Variants in CACNA1A observed in about 807,000 individuals in gnomAD.
The protein encoded by CACNA1A is calcium voltage-gated channel subunit alpha1 A.
CACNA1A carries 57 observed loss-of-function variants against 262.4 expected under a neutral mutation model. That is an observed-to-expected ratio of 0.22 (90% CI 0.18 to 0.27). CACNA1A has a LOEUF of 0.27. CACNA1A is among the 10% of genes least tolerant of loss of function. The pLI is 1.00. For missense variants in CACNA1A, 2,526 were observed against 3,562.8 expected, an observed-to-expected ratio of 0.71 and a Z score of 7.41; for synonymous variants, 1,431 against 1,419.3, an observed-to-expected ratio of 1.01 and a Z score of -0.18.
intron 35 of CACNA1A, 81 bp downstream of exon 35, chr19:13,231,627 CCA>C: frequency 2.1e-6 from 3 of 1,410,504 alleles, no homozygotes; most frequent in Non-Finnish European, 2.9e-6. Flanking sequence ...TTCGACACAG[CCA>C]CATTCCACAG....
chr19:13,321,805 G>A (rs529748313), intron 10 of CACNA1A, among the ~76,000 whole-genome samples: 1 of 152,226 alleles, frequency 6.6e-6, no homozygotes, highest in South Asian at 2.1e-4. Context: ...GTTGAGTGGT[G>A]AGTGAATGTG....
At chr19:13,317,070 G>A in intron 11 of CACNA1A, 42 bp downstream of exon 11, 1 of 1,295,634 alleles carries the variant, frequency 7.7e-7, no homozygotes, top group Admixed American at 1.8e-5. Context: ...GTGTGAGGGA[G>A]GGATCAGGGA....
chr19:13,309,498 G>T (rs1257343928), intron 12 of CACNA1A, among the ~76,000 whole-genome samples: 1 of 150,532 alleles, frequency 6.6e-6, no homozygotes, highest in Non-Finnish European at 1.5e-5. Flanking sequence ...TTCAAGACCA[G>T]CCTGGGTAAC....
chr19:13,392,799 T>C (rs917405732), intron 3 of CACNA1A, among the ~76,000 whole-genome samples: 4 of 152,076 alleles, frequency 2.6e-5, no homozygotes, highest in African/African-American at 9.7e-5. Flanking sequence ...CAGGCTGGAG[T>C]ACAGTAGTGC....
rs1298654313 is a variant in CACNA1A at position 13,308,281 on chromosome 19, G to A, written c.1782-30C>T. 6.2e-7 allele frequency: 1 copy of A among 1,600,398 alleles called. No homozygotes were observed. ...CGACAGAGGCCAGGCGAGGACTCAG[G>A]CCAGGCGGGGGAGGCAGGGCCCCGG... is the stretch of plus-strand genomic sequence containing the variant. On this transcript the variant is annotated intron_variant, in intron 13 of 46. Transcript: ENST00000360228. This position sits in a 1 kb window ranked among gnomAD's most constrained non-coding sequence, Gnocchi z 4.2.
At chr19:13,419,228 A>G (rs73507065) in intron 3 of CACNA1A, among the ~76,000 whole-genome samples, 5,662 of 152,328 alleles carry the variant, frequency 0.037, 230 homozygotes, top group East Asian at 0.17. Context: ...ACAGTATTCA[A>G]GACAGTAACC....
chr19:13,255,548 A>C (rs1438121892), intron 28 of CACNA1A, among the ~76,000 whole-genome samples: 1 of 152,056 alleles, frequency 6.6e-6, no homozygotes, highest in African/African-American at 2.4e-5. Flanking sequence ...CAATGGCCTC[A>C]CTTTGCAGAT....
At chr19:13,329,161 G>A (rs1409287098) in intron 10 of CACNA1A, among the ~76,000 whole-genome samples, 1 of 152,094 alleles carries the variant, frequency 6.6e-6, no homozygotes, top group Non-Finnish European at 1.5e-5. Context: ...TAGGACAGAG[G>A]AGTGAGAAGG....
chr19:13,409,293 C>T (rs1412974838), intron 3 of CACNA1A, among the ~76,000 whole-genome samples: 1 of 151,624 alleles, frequency 6.6e-6, no homozygotes, highest in Non-Finnish European at 1.5e-5. Flanking sequence ...AAGATGAGGT[C>T]ATGGTAGGAG....
chr19:13,353,343 G>T (rs1568563875), intron 6 of CACNA1A, among the ~76,000 whole-genome samples: 2 of 150,546 alleles, frequency 1.3e-5, no homozygotes, highest in Non-Finnish European at 2.9e-5. Flanking sequence ...TGTTGCCCAG[G>T]CTGGCCTCAA....
chr19:13,252,414 G>C (rs1263777327), intron 30 of CACNA1A: 1 of 148,596 alleles, frequency 6.7e-6, no homozygotes, highest in Non-Finnish European at 1.5e-5. Flanking sequence ...TTTTGAGACA[G>C]AGTTTCACTC....
chr19:13,499,907 C>T (rs1982165300), intron 1 of CACNA1A, among the ~76,000 whole-genome samples: 3 of 151,788 alleles, frequency 2.0e-5, no homozygotes, highest in East Asian at 1.9e-4. Flanking sequence ...ACCTTCCCGG[C>T]GGTGCTTTTT....
chr19:13,352,262 C>A (rs1189945174), intron 6 of CACNA1A, among the ~76,000 whole-genome samples: 1 of 152,042 alleles, frequency 6.6e-6, no homozygotes, highest in Non-Finnish European at 1.5e-5. Context: ...AAAAAATTAG[C>A]TGACCATGCT....
At chr19:13,369,917 G>A (rs1185726171) in intron 4 of CACNA1A, among the ~76,000 whole-genome samples, 2 of 152,184 alleles carry the variant, frequency 1.3e-5, no homozygotes, top group South Asian at 4.1e-4. Context: ...GATCCTGCTG[G>A]TGATCCTCTG....
At chr19:13,469,080 G>T (rs1291062666) in intron 1 of CACNA1A, among the ~76,000 whole-genome samples, 1 of 152,086 alleles carries the variant, frequency 6.6e-6, no homozygotes, top group Non-Finnish European at 1.5e-5. Context: ...AGCCAAGAAG[G>T]CCCCCAAGAA....
chr19:13,396,180 G>C (rs1235558953), intron 3 of CACNA1A, among the ~76,000 whole-genome samples: 1 of 152,196 alleles, frequency 6.6e-6, no homozygotes, highest in Non-Finnish European at 1.5e-5. Context: ...CAAAACCAAG[G>C]TTCCGGAAGG....
chr19:13,432,527 G>A (rs2060528238), intron 3 of CACNA1A, among the ~76,000 whole-genome samples: 1 of 152,068 alleles, frequency 6.6e-6, no homozygotes, highest in Admixed American at 6.6e-5. Context: ...GGCTGGTGGT[G>A]GAGGGATTGG....
chr19:13,298,994 C>A lies in CACNA1A; in HGVS notation c.2639G>T (p.Arg880Leu), dbSNP rs1173107940. 6.3e-7 allele frequency: 1 copy of A among 1,578,724 alleles called. No homozygotes were observed. Among genetic ancestry groups the A allele is most frequent in the African/African-American group, 1.3e-5 (1 of 74,500 alleles). ...CTCCTGGCTTCCCGCCCAGGGCCTC[C>A]GTGCGTCCAGGCCCGCCGAGCCGCT... Reference protein sequence around the residue: ...DPSGSAGLDARRPWAGSQEAE... With the variant: ...DPSGSAGLDALRPWAGSQEAE... The change falls in exon 19 of 47, where the codon CGG becomes CTG. Residue 880 changes from arginine (R) to leucine (L), a missense_variant. Coordinates refer to ENST00000360228, the MANE Select transcript of CACNA1A (RefSeq NM_001127222.2).
At chr19:13,331,089 C>G (rs2058459530) in intron 9 of CACNA1A, among the ~76,000 whole-genome samples, 1 of 151,966 alleles carries the variant, frequency 6.6e-6, no homozygotes, top group South Asian at 2.1e-4. Flanking sequence ...GTTAGATTAC[C>G]TAACTCATTT....
Sources: allele counts gnomAD v4.1 joint callset (sites outside exome capture counted in the v4.1 genomes callset), GRCh38; gene constraint gnomAD v4.1.1; non-coding constraint Gnocchi (gnomAD v3.1); transcripts MANE v1.5; gene names NCBI Gene and HGNC (gene_info 2026-07-23, HGNC 2026-07-21).